The following LDLRAD3 variants were observed in gnomAD, a reference collection of about 807,000 sequenced individuals.
The protein encoded by LDLRAD3 is low-density lipoprotein receptor class A domain-containing protein 3.
Under a neutral mutation model 29.4 loss-of-function variants are expected in LDLRAD3, and 20 were observed. The ratio of observed to expected loss-of-function variants is 0.68; its 90% confidence interval spans 0.48 to 0.99. LDLRAD3 has a LOEUF of 0.99. LDLRAD3 is among the 50% of genes least tolerant of loss of function. The pLI, the probability that LDLRAD3 is intolerant of heterozygous loss-of-function variation, is 0.00. For synonymous variants in LDLRAD3, 157 were observed against 192.7 expected, an observed-to-expected ratio of 0.81 and a Z score of 1.53; for missense variants, 420 against 454.3, an observed-to-expected ratio of 0.92 and a Z score of 0.69.
At chr11:36,139,135 G>A (rs1024694196) in intron 4 of LDLRAD3, among the ~76,000 whole-genome samples, 8 of 152,158 alleles carry the variant, frequency 5.3e-5, no homozygotes, top group African/African-American at 1.9e-4. Flanking sequence ...CTTTTGGACT[G>A]GCAAACTCTT....
chr11:36,161,852 G>A (rs181002639), intron 4 of LDLRAD3, among the ~76,000 whole-genome samples: 1 of 152,290 alleles, frequency 6.6e-6, no homozygotes, highest in East Asian at 1.9e-4. Flanking sequence ...TGTACTTAAT[G>A]CTTCATGGGT....
intron 1 of LDLRAD3, among the ~76,000 whole-genome samples, chr11:36,017,951 A>G (rs1420688810): frequency 6.6e-6 from 1 of 152,200 alleles, no homozygotes; most frequent in African/African-American, 2.4e-5. Context: ...GGCATTCATC[A>G]GGTAGAAACT....
chr11:35,980,525 T>C (rs570133644), intron 1 of LDLRAD3, among the ~76,000 whole-genome samples: 1 of 152,324 alleles, frequency 6.6e-6, no homozygotes, highest in Non-Finnish European at 1.5e-5. Context: ...TTTGGGAGAA[T>C]GACACTATGA....
In LDLRAD3 at chr11:36,042,595, C is replaced by T. The variant is rs145124981; in HGVS notation, c.193+6346C>T. ...TGAATTATAGCCCAGCCTTCCCCCACAATTTTCCTGTGTTGAAGTCCTAAC... is the reference window on the plus strand; with the variant it reads ...TGAATTATAGCCCAGCCTTCCCCCATAATTTTCCTGTGTTGAAGTCCTAAC... On this transcript the variant is annotated intron_variant, in intron 2 of 5. Transcript: ENST00000315571. 2.6e-5 allele frequency among the ~76,000 whole-genome samples: 4 copies of T among 152,296 alleles called. No individual in the cohort carries two copies. In the East Asian group the frequency reaches 7.7e-4, roughly 29 times the overall value.
chr11:36,122,239 G>C (rs561179406), intron 4 of LDLRAD3, among the ~76,000 whole-genome samples: 2 of 152,168 alleles, frequency 1.3e-5, no homozygotes, highest in Non-Finnish European at 2.9e-5. Context: ...TGTGCTGTGT[G>C]CCCAAGCGAG....
At chr11:36,079,433 A>G (rs543267215) in intron 2 of LDLRAD3, among the ~76,000 whole-genome samples, 49 of 152,320 alleles carry the variant, frequency 3.2e-4, no homozygotes, top group African/African-American at 9.4e-4. Context: ...TTGAGCATCT[A>G]CTGTATTCTA....
chr11:35,958,938 A>G (rs567218967), intron 1 of LDLRAD3, among the ~76,000 whole-genome samples: 57 of 152,302 alleles, frequency 3.7e-4, no homozygotes, highest in African/African-American at 1.3e-3. Flanking sequence ...AAACTTTGCA[A>G]GAAGGCTCTG....
chr11:36,027,026 G>T (rs1852175492), intron 1 of LDLRAD3, among the ~76,000 whole-genome samples: 1 of 152,156 alleles, frequency 6.6e-6, no homozygotes, highest in South Asian at 2.1e-4. Context: ...TCTTACATGA[G>T]ATCCAAGAAC....
intron 4 of LDLRAD3, among the ~76,000 whole-genome samples, chr11:36,222,216 A>G (rs755954692): frequency 6.6e-6 from 1 of 152,082 alleles, no homozygotes; most frequent in Non-Finnish European, 1.5e-5. Flanking sequence ...CTACAGGCAC[A>G]TGCCACTACG....
intron 1 of LDLRAD3, among the ~76,000 whole-genome samples, chr11:35,952,291 T>G (rs974559272): frequency 4.6e-5 from 7 of 152,180 alleles, no homozygotes; most frequent in Non-Finnish European, 1.0e-4. Flanking sequence ...AGTCTGTATG[T>G]GTTGGGAGAA....
chr11:36,156,604 G>A (rs1463802389), intron 4 of LDLRAD3, among the ~76,000 whole-genome samples: 2 of 152,194 alleles, frequency 1.3e-5, no homozygotes. Context: ...CTCTTAGAGG[G>A]GAGTTAAGGT....
intron 4 of LDLRAD3, among the ~76,000 whole-genome samples, chr11:36,188,749 C>T (rs973444764): frequency 4.6e-5 from 7 of 152,112 alleles, no homozygotes; most frequent in African/African-American, 1.7e-4. Context: ...AATGGGGGTC[C>T]GTTTCTGAAA....
chr11:36,136,295 A>C (rs1044782895), intron 4 of LDLRAD3, among the ~76,000 whole-genome samples: 3 of 152,178 alleles, frequency 2.0e-5, no homozygotes, highest in African/African-American at 7.2e-5. Context: ...CACAAGGTAG[A>C]TCCTGTTTTT....
chr11:36,065,303 G>A (rs1429643698), intron 2 of LDLRAD3, among the ~76,000 whole-genome samples: 2 of 151,954 alleles, frequency 1.3e-5, no homozygotes, highest in Admixed American at 6.6e-5. Flanking sequence ...TCTTAAATTC[G>A]ATTTTGTCTG....
At chr11:36,212,643 A>G in intron 4 of LDLRAD3, among the ~76,000 whole-genome samples, 1 of 151,856 alleles carries the variant, frequency 6.6e-6, no homozygotes, top group East Asian at 1.9e-4. Context: ...TCTGTGTCTT[A>G]GCAAAGAGGC....
intron 3 of LDLRAD3, among the ~76,000 whole-genome samples, chr11:36,087,139 G>GA (rs546438222): frequency 5.5e-4 from 82 of 149,034 alleles, no homozygotes; most frequent in East Asian, 9.8e-4. Flanking sequence ...TAAACTCTAA[G>GA]AAAAAAAAAC....
intron 2 of LDLRAD3, among the ~76,000 whole-genome samples, chr11:36,065,894 C>G (rs1337697422): frequency 6.6e-6 from 1 of 152,150 alleles, no homozygotes; most frequent in South Asian, 2.1e-4. Context: ...CTCTAGAGAG[C>G]TCATCAGAAA....
chr11:36,128,089 T>G lies in LDLRAD3; in HGVS notation c.454+29628T>G, dbSNP rs372327686. On this transcript the variant is annotated intron_variant, in intron 4 of 5. Coordinates refer to ENST00000315571, the MANE Select transcript of LDLRAD3 (RefSeq NM_174902.4). Reference sequence around the variant, plus strand: ...GGCCGGGAGGTTCATAACTCAACTGTTGCGTATTGATGGCAGAGTTGTTTT... The same window carrying G: ...GGCCGGGAGGTTCATAACTCAACTGGTGCGTATTGATGGCAGAGTTGTTTT... Among the ~76,000 whole-genome samples the G allele has an allele frequency of 4.8e-5, 7 of 146,750 alleles. No homozygotes were observed. The East Asian group carries it at 1.3e-3, about 26-fold the overall frequency.
intron 1 of LDLRAD3, among the ~76,000 whole-genome samples, chr11:35,959,067 C>T (rs1590684175): frequency 6.6e-6 from 1 of 152,198 alleles, no homozygotes; most frequent in African/African-American, 2.4e-5. Flanking sequence ...ATAGTGATCC[C>T]TGTTTCTTGC....
Sources: allele counts gnomAD v4.1 joint callset (sites outside exome capture counted in the v4.1 genomes callset), GRCh38; gene constraint gnomAD v4.1.1; transcripts MANE v1.5; gene names NCBI Gene and HGNC (gene_info 2026-07-23, HGNC 2026-07-21).